LRRTM4: variants seen among roughly 807,000 people sequenced by gnomAD.
LRRTM4 encodes leucine-rich repeat transmembrane neuronal protein 4.
In LRRTM4, 25 loss-of-function variants were observed where a neutral mutation model predicts 47.6. That is an observed-to-expected ratio of 0.53 (90% CI 0.38 to 0.73). The LOEUF is 0.73. Among genes scored for constraint, LRRTM4 ranks in the 30% least tolerant of loss-of-function variants. The pLI, the probability that LRRTM4 is intolerant of heterozygous loss-of-function variation, is 0.00. For synonymous variants in LRRTM4, 311 were observed against 269.5 expected, an observed-to-expected ratio of 1.15 and a Z score of -1.51; for missense variants, 638 against 713.4, an observed-to-expected ratio of 0.89 and a Z score of 1.20.
At chr2:77,252,587 T>C (rs554674577) in intron 3 of LRRTM4, among the ~76,000 whole-genome samples, 17 of 152,272 alleles carry the variant, frequency 1.1e-4, no homozygotes, top group African/African-American at 3.8e-4. Context: ...CATTTCATTT[T>C]AACAAATTCA....
chr2:76,876,549 A>G (rs146793753), intron 3 of LRRTM4, among the ~76,000 whole-genome samples: 1 of 152,118 alleles, frequency 6.6e-6, no homozygotes, highest in Non-Finnish European at 1.5e-5. Context: ...CACAAAATTA[A>G]CATATGATGT....
At chr2:77,085,561 T>C (rs1680683988) in intron 3 of LRRTM4, among the ~76,000 whole-genome samples, 1 of 152,126 alleles carries the variant, frequency 6.6e-6, no homozygotes, top group Non-Finnish European at 1.5e-5. Flanking sequence ...TGTGGCTTTG[T>C]ATTCTAGGGA....
chr2:77,056,562 G>C (rs928811220), intron 3 of LRRTM4, among the ~76,000 whole-genome samples: 1 of 151,996 alleles, frequency 6.6e-6, no homozygotes. Context: ...ATTGAAAAAA[G>C]TATTAAAATA....
At chr2:77,027,600 A>G (rs896572877) in intron 3 of LRRTM4, among the ~76,000 whole-genome samples, 1 of 152,194 alleles carries the variant, frequency 6.6e-6, no homozygotes, top group Non-Finnish European at 1.5e-5. Flanking sequence ...CTACCAGTGT[A>G]CTATCAGCTC....
chr2:77,177,775 C>T (rs903890194), intron 3 of LRRTM4, among the ~76,000 whole-genome samples: 3 of 152,174 alleles, frequency 2.0e-5, no homozygotes, highest in Non-Finnish European at 2.9e-5. Flanking sequence ...AAATTAGCTG[C>T]AACACTTGTG....
At chr2:76,803,795 CA>C (rs1179908562) in intron 3 of LRRTM4, among the ~76,000 whole-genome samples, 1 of 152,144 alleles carries the variant, frequency 6.6e-6, no homozygotes, top group Non-Finnish European at 1.5e-5. Context: ...TAACTAATAA[CA>C]GTGGTTCACG....
intron 3 of LRRTM4, among the ~76,000 whole-genome samples, chr2:77,384,092 T>C (rs941969919): frequency 2.6e-5 from 4 of 152,234 alleles, no homozygotes; most frequent in Admixed American, 2.0e-4. Flanking sequence ...ACTATATCAG[T>C]TGTTCAATTA....
chr2:77,420,358 A>T (rs1364036742), intron 3 of LRRTM4, among the ~76,000 whole-genome samples: 1 of 152,158 alleles, frequency 6.6e-6, no homozygotes, highest in African/African-American at 2.4e-5. Context: ...GTCAAATTAT[A>T]TTCATTGGAA....
intron 3 of LRRTM4, among the ~76,000 whole-genome samples, chr2:77,432,863 T>A (rs1675438010): frequency 6.6e-6 from 1 of 152,208 alleles, no homozygotes; most frequent in Non-Finnish European, 1.5e-5. Flanking sequence ...CAGGATGAAG[T>A]AAGACTTCTC....
chr2:77,010,770 G>A (rs1340054866), intron 3 of LRRTM4, among the ~76,000 whole-genome samples: 2 of 152,062 alleles, frequency 1.3e-5, no homozygotes, highest in Non-Finnish European at 2.9e-5. Context: ...GAGAATATTT[G>A]TTAAATGAAT....
At chr2:76,873,536 A>ATGT (rs1553423283) in intron 3 of LRRTM4, among the ~76,000 whole-genome samples, 1 of 145,410 alleles carries the variant, frequency 6.9e-6, no homozygotes, top group Non-Finnish European at 1.5e-5. Flanking sequence ...ATATATATAC[A>ATGT]ACATAGTTGT....
intron 3 of LRRTM4, among the ~76,000 whole-genome samples, chr2:77,242,656 C>T (rs1675302546): frequency 6.7e-6 from 1 of 150,264 alleles, no homozygotes; most frequent in Non-Finnish European, 1.5e-5. Flanking sequence ...AAAAAACAAA[C>T]CAAAACAAAA....
intron 3 of LRRTM4, among the ~76,000 whole-genome samples, chr2:77,351,548 C>T (rs543832942): frequency 4.1e-4 from 61 of 149,926 alleles, no homozygotes; most frequent in African/African-American, 1.5e-3. Flanking sequence ...GAAACATTTC[C>T]ATGAGATATT....
chr2:77,473,910 G>A (rs759979483), intron 3 of LRRTM4, among the ~76,000 whole-genome samples: 18 of 152,044 alleles, frequency 1.2e-4, no homozygotes, highest in Non-Finnish European at 1.9e-4. Context: ...TCATTCTTAC[G>A]AATAACCATT....
At chr2:77,146,064 C>G (rs943521563) in intron 3 of LRRTM4, among the ~76,000 whole-genome samples, 5 of 152,072 alleles carry the variant, frequency 3.3e-5, no homozygotes, top group African/African-American at 1.2e-4. Context: ...TTCAGACCCT[C>G]TCTGTTGATG....
chr2:77,096,709 C>T (rs1055177722), intron 3 of LRRTM4, among the ~76,000 whole-genome samples: 1 of 151,272 alleles, frequency 6.6e-6, no homozygotes, highest in Non-Finnish European at 1.5e-5. Context: ...TTAATAGTAA[C>T]TAAAAGTACT....
chr2:76,854,244 G>T (rs916127198), intron 3 of LRRTM4, among the ~76,000 whole-genome samples: 2 of 152,116 alleles, frequency 1.3e-5, no homozygotes, highest in Non-Finnish European at 2.9e-5. Flanking sequence ...ATAGTCATAT[G>T]ATAAGTATGG....
intron 3 of LRRTM4, among the ~76,000 whole-genome samples, chr2:77,024,273 T>C (rs72912532): frequency 0.029 from 4,440 of 152,252 alleles, 260 homozygotes; most frequent in African/African-American, 0.1. Context: ...GTAACCACTG[T>C]TCTACTCTTT....
chr2:77,178,716 T>C (rs774851936), intron 3 of LRRTM4, among the ~76,000 whole-genome samples: 36 of 152,216 alleles, frequency 2.4e-4, no homozygotes, highest in Non-Finnish European at 4.6e-4. Flanking sequence ...TATCAATCAA[T>C]TGTTCCTAAT....
Sources: allele counts gnomAD v4.1 joint callset (sites outside exome capture counted in the v4.1 genomes callset), GRCh38; gene constraint gnomAD v4.1.1; transcripts MANE v1.5; gene names NCBI Gene and HGNC (gene_info 2026-07-23, HGNC 2026-07-21).